The following LGR5 variants were observed in gnomAD, a reference collection of about 807,000 sequenced individuals.
LGR5 encodes leucine rich repeat containing G protein-coupled receptor 5.
In LGR5, 54 loss-of-function variants were observed where a neutral mutation model predicts 76.7. The ratio of observed to expected loss-of-function variants is 0.70; its 90% confidence interval spans 0.57 to 0.88. LGR5 has a LOEUF of 0.88. Among genes scored for constraint, LGR5 ranks in the 40% least tolerant of loss-of-function variants. LGR5 has a pLI of 0.00. For synonymous variants in LGR5, 406 were observed against 421.9 expected (o/e 0.96, Z 0.46); for missense variants, 1,078 against 1,073.3 (o/e 1.00, Z -0.06).
At chr12:71,449,594 T>C (rs17109691) in intron 1 of LGR5, among the ~76,000 whole-genome samples, 9,139 of 152,204 alleles carry the variant, frequency 0.06, 948 homozygotes, top group African/African-American at 0.21. Flanking sequence ...TCTACTTCCC[T>C]AGAGTCTGAT....
At chr12:71,576,006 C>T (rs530387050) in intron 13 of LGR5, among the ~76,000 whole-genome samples, 30 of 152,252 alleles carry the variant, frequency 2.0e-4, no homozygotes, top group African/African-American at 7.2e-4. Flanking sequence ...CCAAACACTG[C>T]ATGTTCTCAC....
intron 1 of LGR5, among the ~76,000 whole-genome samples, chr12:71,483,178 G>A (rs1376010130): frequency 6.6e-6 from 1 of 152,156 alleles, no homozygotes; most frequent in East Asian, 1.9e-4. Flanking sequence ...GGGAAAGACT[G>A]AGGCGAAGAA....
chr12:71,531,443 A>T (rs1046849779), intron 3 of LGR5, among the ~76,000 whole-genome samples: 2 of 152,246 alleles, frequency 1.3e-5, no homozygotes, highest in African/African-American at 2.4e-5. Flanking sequence ...GTAATTAAAC[A>T]AAAGTTCCTT....
chr12:71,462,821 A>G (rs1331104171), intron 1 of LGR5, among the ~76,000 whole-genome samples: 5 of 152,120 alleles, frequency 3.3e-5, no homozygotes, highest in Non-Finnish European at 7.4e-5. Context: ...CTTCAAATCC[A>G]ACATCTTTAT....
At chr12:71,509,723 G>A (rs1476925836) in intron 2 of LGR5, among the ~76,000 whole-genome samples, 2 of 152,112 alleles carry the variant, frequency 1.3e-5, no homozygotes, top group African/African-American at 4.8e-5. Flanking sequence ...ATTTAAAATT[G>A]TCCAAGTTAA....
chr12:71,526,411 A>G (rs755289470), intron 3 of LGR5, among the ~76,000 whole-genome samples: 2 of 151,860 alleles, frequency 1.3e-5, no homozygotes, highest in African/African-American at 2.4e-5. Flanking sequence ...TCTCATGCTA[A>G]CTATTAAAAT....
chr12:71,551,570 G>C (rs1261238925), intron 4 of LGR5, among the ~76,000 whole-genome samples: 2 of 152,170 alleles, frequency 1.3e-5, no homozygotes, highest in African/African-American at 2.4e-5. Flanking sequence ...AGTGAGAGCT[G>C]TTGGAAGCAT....
At chr12:71,505,895 TC>T (rs1322418267) in intron 2 of LGR5, among the ~76,000 whole-genome samples, 5 of 152,208 alleles carry the variant, frequency 3.3e-5, no homozygotes, top group Admixed American at 2.6e-4. Flanking sequence ...GCCTTTTTTT[TC>T]CATCTTCTCT....
At chr12:71,557,997 AT>A (rs3837467) in intron 6 of LGR5, among the ~76,000 whole-genome samples, 22,012 of 152,030 alleles carry the variant, frequency 0.14, 1,725 homozygotes, top group South Asian at 0.23. Context: ...TGGGTTACTA[AT>A]TTCCTGAGGG....
chr12:71,569,515 CA>C (rs61513157), intron 11 of LGR5, among the ~76,000 whole-genome samples: 133,888 of 151,886 alleles, frequency 0.88, 60,964 homozygotes, highest in East Asian at 1. Flanking sequence ...AGACACTTCT[CA>C]AAAAAAAAGA....
At position 71,528,091 on chromosome 12, in the gene LGR5, A is replaced by G. The variant is rs374161963; in HGVS notation, c.356+3614A>G. Among the ~76,000 whole-genome samples, 1,281 of 151,598 alleles carry G rather than the reference A, an allele frequency of 8.4e-3. 17 individuals are homozygous for G. The highest frequency in any genetic ancestry group is 0.028 in the African/African-American group (1,177 of 41,510). On this transcript the variant is annotated intron_variant, in intron 3 of 17. Coordinates refer to ENST00000266674, the MANE Select transcript of LGR5 (RefSeq NM_003667.4). ...AAACAGTTTCTCTCAAGATAATTAA[A>G]TAAGTAACTTAGTTTATACATCCTG... is the stretch of plus-strand genomic sequence containing the variant.
chr12:71,481,514 G>C (rs1404141927), intron 1 of LGR5, among the ~76,000 whole-genome samples: 4 of 152,260 alleles, frequency 2.6e-5, no homozygotes, highest in African/African-American at 9.6e-5. Flanking sequence ...CATGTGGGTT[G>C]GTTCCAAGTC....
chr12:71,547,839 T>C (rs1592533450), intron 4 of LGR5, among the ~76,000 whole-genome samples: 4 of 152,286 alleles, frequency 2.6e-5, no homozygotes, highest in African/African-American at 9.6e-5. Flanking sequence ...ACTCCTGACC[T>C]CAGGTGATCT....
At chr12:71,537,782 C>T in intron 4 of LGR5, among the ~76,000 whole-genome samples, 1 of 152,142 alleles carries the variant, frequency 6.6e-6, no homozygotes, top group Non-Finnish European at 1.5e-5. Flanking sequence ...ATACGTTAGC[C>T]TCTGTGCTTC....
At chr12:71,493,920 C>A (rs1177000483) in intron 1 of LGR5, among the ~76,000 whole-genome samples, 1 of 149,388 alleles carries the variant, frequency 6.7e-6, no homozygotes, top group East Asian at 1.9e-4. Context: ...AGGCATGGGC[C>A]ACCATGCCCA....
chr12:71,469,821 C>A (rs1445449208), intron 1 of LGR5, among the ~76,000 whole-genome samples: 1 of 152,148 alleles, frequency 6.6e-6, no homozygotes, highest in African/African-American at 2.4e-5. Context: ...CCCACTGCCT[C>A]CCCGCCGCCC....
intron 4 of LGR5, among the ~76,000 whole-genome samples, chr12:71,549,846 G>A (rs1251653486): frequency 6.6e-6 from 1 of 152,132 alleles, no homozygotes; most frequent in Non-Finnish European, 1.5e-5. Context: ...TAGAGTGTTC[G>A]ATCTCTGAAG....
chr12:71,470,412 G>A (rs11178812), intron 1 of LGR5, among the ~76,000 whole-genome samples: 10,678 of 152,180 alleles, frequency 0.07, 408 homozygotes, highest in African/African-American at 0.093. Flanking sequence ...TTCCATGTAT[G>A]ACAGATGATA....
At position 71,574,301 on chromosome 12, in the gene LGR5, C is replaced by CAAAAAAAAAAAAAAAAAAAA. The variant is rs1726461; in HGVS notation, c.1208+1383_1208+1402dup. ...TGAGTGACAGAGCAAGACTCTGTCT[C>CAAAAAAAAAAAAAAAAAAAA]AAAAAAAAAAAAAAAAAAAAAAGGC... On this transcript the variant is annotated intron_variant, in intron 13 of 17. Transcript: ENST00000266674. 4.0e-5 allele frequency among the ~76,000 whole-genome samples: 2 copies of CAAAAAAAAAAAAAAAAAAAA among 50,232 alleles called. 1 individual carries two copies. The highest frequency in any genetic ancestry group is 6.6e-5 in the Non-Finnish European group (2 of 30,356). 33.0% of individuals were successfully genotyped at this position (50,232 alleles called of 152,430 possible). A position where few individuals can be genotyped will look rare whatever the true frequency, so the allele number is the denominator to read the frequency against.
Sources: gnomAD v4.1 joint callset for allele counts (sites outside exome capture counted in the v4.1 genomes callset) on GRCh38, gnomAD v4.1.1 for gene constraint, MANE v1.5 for transcripts, NCBI Gene and HGNC (gene_info 2026-07-23, HGNC 2026-07-21) for gene names.